The following MROH2A variants were observed in gnomAD, a reference collection of about 807,000 sequenced individuals.
The protein encoded by MROH2A is maestro heat like repeat family member 2A, also known as maestro heat-like repeat-containing protein family member 2A.
MROH2A carries 174 observed loss-of-function variants against 200.4 expected under a neutral mutation model. The ratio of observed to expected loss-of-function variants is 0.87; its 90% CI spans 0.77 to 0.98. The LOEUF (loss-of-function observed/expected upper bound fraction) is 0.98. Ranked by LOEUF, MROH2A falls within the 50% of genes least tolerant of loss-of-function variation. MROH2A has a pLI of 0.00. For missense variants in MROH2A, 2,045 were observed against 2,139.6 expected, an observed-to-expected ratio of 0.96 and a Z score of 0.87; for synonymous variants, 829 against 840.4, an observed-to-expected ratio of 0.99 and a Z score of 0.23.
chr2:233,802,294 G>A lies in MROH2A; in HGVS notation c.1687G>A (p.Val563Met), dbSNP rs953434330. 2.1e-5 allele frequency: 32 copies of A among 1,550,110 alleles called. No individual in the cohort carries two copies. Among genetic ancestry groups the A allele is most frequent in the African/African-American group, 4.1e-5 (3 of 73,012 alleles). Residue 563 changes from valine (V) to methionine (M), a missense_variant, in exon 15 of 42, where the codon GTG becomes ATG. Transcript: ENST00000389758. ...QLHGQDVDVS[V>M]AGKSRQVDLP... ...CCATGGCCAGGATGTGGATGTCAGC[G>A]TGGCTGGCAAGAGCAGGCAAGGTGG...
chr2:233,816,727 G>C, intron 26 of MROH2A, 54 bp from the exon 27 acceptor site: 4 of 1,279,932 alleles, frequency 3.1e-6, no homozygotes, highest in Non-Finnish European at 3.3e-6. Context: ...GGCCAGGAAA[G>C]GGCTGGCCCC....
chr2:233,805,341 T>G (rs1359138134), intron 19 of MROH2A, among the ~76,000 whole-genome samples: 1 of 152,232 alleles, frequency 6.6e-6, no homozygotes, highest in Non-Finnish European at 1.5e-5. Flanking sequence ...ATGTGTGTAT[T>G]TCTTTGTAAA....
intron 27 of MROH2A, among the ~76,000 whole-genome samples, 193 bp downstream of exon 27, chr2:233,817,078 G>A (rs1010886324): frequency 6.6e-6 from 1 of 152,190 alleles, no homozygotes; most frequent in African/African-American, 2.4e-5. Flanking sequence ...GGTTGGCAGA[G>A]CTCCAGGCTT....
chr2:233,822,647 G>T, intron 33 of MROH2A, 91 bp downstream of exon 33: 1 of 1,344,982 alleles, frequency 7.4e-7, no homozygotes, highest in Non-Finnish European at 1.0e-6. Context: ...TCCAGTGAGG[G>T]GCCCTCTGTC....
At position 233,823,597 on chromosome 2, in the gene MROH2A, C is replaced by A; in HGVS notation, c.4046C>A (p.Ala1349Asp). The change falls in exon 35 of 42, where the codon GCC (alanine) becomes GAC (aspartate). Residue 1349 changes from alanine (A) to aspartate (D), a missense_variant. Transcript: ENST00000389758. ...QHVEGHRQRL[A>D]ELVLRGMDSE... is the part of the protein sequence containing the mutation. ...GTGGAGGGCCACAGGCAGAGGCTGG[C>A]CGAGCTGGTGCTCAGGGGCATGGAC... is the stretch of plus-strand genomic sequence containing the variant. 2 of 1,550,394 alleles carry A rather than the reference C, an allele frequency of 1.3e-6. No homozygotes were observed. Among genetic ancestry groups the A allele is most frequent in the South Asian group, 2.4e-5 (2 of 84,060 alleles).
chr2:233,787,932 T>TATATATACATATATA (rs1701410807), intron 3 of MROH2A, among the ~76,000 whole-genome samples: 2 of 48,306 alleles, frequency 4.1e-5, no homozygotes, highest in Non-Finnish European at 3.3e-5. Context: ...ACATATATAT[T>TATATATACATATATA]ATATATACAT....
chr2:233,829,119 C>T (rs908883153), intron 37 of MROH2A, 47 bp downstream of exon 37: 3 of 1,451,864 alleles, frequency 2.1e-6, no homozygotes, highest in African/African-American at 1.4e-5. Flanking sequence ...GAAGGAGGGG[C>T]ACTTCTCAGA....
intron 34 of MROH2A, 121 bp from the exon 35 acceptor site, chr2:233,823,435 A>G (rs1273011962): frequency 3.5e-5 from 44 of 1,254,338 alleles, no homozygotes; most frequent in Non-Finnish European, 4.7e-5. Context: ...ATGTTACGAC[A>G]TCTTTCCGGG....
intron 5 of MROH2A, 87 bp downstream of exon 5, chr2:233,790,101 C>T (rs1701623795): frequency 1.6e-6 from 2 of 1,216,304 alleles, no homozygotes; most frequent in Non-Finnish European, 2.2e-6. Flanking sequence ...CCTATGTTCA[C>T]CTCTTCCTCT....
At position 233,793,884 on chromosome 2, in the gene MROH2A, T is replaced by C. The variant is rs575369314; in HGVS notation, c.822+60T>C. ...CCCCAGGCCACAGCTCCCCAGCCTG[T>C]GGGGCCGGGAGGTGCTGAGGGACCG... On this transcript the variant is annotated intron_variant, in intron 7 of 41. Coordinates refer to ENST00000389758, the MANE Select transcript of MROH2A (RefSeq NM_001394639.1). 327 of 1,331,784 alleles carry C rather than the reference T, an allele frequency of 2.5e-4. No homozygotes were observed. The African/African-American group carries it at 4.5e-3, about 18-fold the overall frequency. 82.5% of individuals were successfully genotyped at this position (1,331,784 alleles called of 1,614,324 possible).
In MROH2A at chr2:233,824,218, T is replaced by C. The variant is rs562008512; in HGVS notation, c.4113+554T>C. Reference sequence around the variant, plus strand: ...CAGCCAATAAGTCAACCAGTGGGCATGACGGTGTCAACAAAACCTTATTGA... The same window carrying C: ...CAGCCAATAAGTCAACCAGTGGGCACGACGGTGTCAACAAAACCTTATTGA... On this transcript the variant is annotated intron_variant, in intron 35 of 41. Transcript: ENST00000389758. Among the ~76,000 whole-genome samples, 390 of 152,376 alleles carry C rather than the reference T, an allele frequency of 2.6e-3. 5 individuals carry two copies. Among genetic ancestry groups the C allele is most frequent in the Non-Finnish European group, 4.0e-3 (275 of 68,038 alleles).
At chr2:233,818,945 A>G (rs1336135050) in intron 29 of MROH2A, among the ~76,000 whole-genome samples, 175 bp downstream of exon 29, 2 of 152,196 alleles carry the variant, frequency 1.3e-5, no homozygotes, top group African/African-American at 4.8e-5. Flanking sequence ...GCAGTATGTC[A>G]TGTCCCTACT....
At chr2:233,813,917 A>G in intron 25 of MROH2A, 139 bp downstream of exon 25, 1 of 524,474 alleles carries the variant, frequency 1.9e-6, no homozygotes, top group Admixed American at 3.4e-5. Context: ...CTATCAGTAA[A>G]TGTAAGGTAA....
At position 233,832,621 on chromosome 2, in the gene MROH2A, T is replaced by A. The variant is rs1339864397; in HGVS notation, c.4880T>A (p.Leu1627Gln). 6.5e-7 allele frequency: 1 copy of A among 1,549,814 alleles called. No homozygotes were observed. The highest frequency in any genetic ancestry group is 8.7e-7 in the Non-Finnish European group (1 of 1,146,370). ...KQMSTHYLKKLDFPALRNSLQ... is the reference protein window; with the variant it reads ...KQMSTHYLKKQDFPALRNSLQ... ...ATGTCTACACATTATCTGAAAAAGC[T>A]GGACTTCCCAGCATTACGGAATTGT... is the stretch of plus-strand genomic sequence containing the variant. Residue 1627 changes from leucine (L) to glutamine (Q), a missense_variant, in exon 41 of 42, where the codon CTG (leucine) becomes CAG (glutamine). By Grantham distance (113) the Leu-to-Gln change is moderately radical (BLOSUM62 -2). Coordinates refer to ENST00000389758, the MANE Select transcript of MROH2A (RefSeq NM_001394639.1).
intron 3 of MROH2A, among the ~76,000 whole-genome samples, chr2:233,780,431 C>G (rs914492365): frequency 1.3e-5 from 2 of 152,176 alleles, no homozygotes; most frequent in Non-Finnish European, 2.9e-5. Context: ...CCAGGTGATG[C>G]CAAGGCTGAT....
At chr2:233,778,150 G>A (rs1700763048), upstream of MROH2A, among the ~76,000 whole-genome samples, 1 of 152,166 alleles carries the variant, frequency 6.6e-6, no homozygotes, top group Non-Finnish European at 1.5e-5. Flanking sequence ...GCACACACAT[G>A]TGAATAACAG....
intron 3 of MROH2A, among the ~76,000 whole-genome samples, chr2:233,786,514 G>T (rs918083935): frequency 6.6e-6 from 1 of 152,202 alleles, no homozygotes; most frequent in African/African-American, 2.4e-5. Flanking sequence ...CTTTCGAAGG[G>T]CTCATCTCCA....
Position 233,789,282 on chromosome 2 carries a change from A to G in MROH2A, c.277-215A>G, listed in dbSNP as rs139276208. ...AGATATTTACTGAAATCGGGCAGGA[A>G]TACAGATACGCAAGTCATATTGACA... On this transcript the variant is annotated intron_variant, in intron 3 of 41. Coordinates refer to ENST00000389758, the MANE Select transcript of MROH2A (RefSeq NM_001394639.1). Among the ~76,000 whole-genome samples the G allele has an allele frequency of 3.5e-4, 53 of 152,348 alleles. 1 individual carries two copies. The highest frequency in any genetic ancestry group is 6.7e-4 in the African/African-American group (28 of 41,584).
chr2:233,815,059 T>C (rs558629250), intron 26 of MROH2A, among the ~76,000 whole-genome samples: 34 of 152,338 alleles, frequency 2.2e-4, no homozygotes, highest in African/African-American at 8.2e-4. Flanking sequence ...ATGGCCCATA[T>C]TCAAATTTCA....
Sources: gnomAD v4.1 joint callset for allele counts (sites outside exome capture counted in the v4.1 genomes callset) on GRCh38, gnomAD v4.1.1 for gene constraint, MANE v1.5 for transcripts, NCBI Gene and HGNC (gene_info 2026-07-23, HGNC 2026-07-21) for gene names.